Variants in COL10A1 observed in about 807,000 individuals in gnomAD.
COL10A1 encodes the protein collagen type X alpha 1 chain.
In COL10A1, 10 loss-of-function variants were observed where a neutral mutation model predicts 18.2. The observed-to-expected ratio is 0.55, with a 90% CI of 0.34 to 0.93. The LOEUF (loss-of-function observed/expected upper bound fraction) is 0.93, where lower values mean the gene tolerates loss of function less well. Ranked by LOEUF, COL10A1 falls within the 40% of genes least tolerant of loss-of-function variation. COL10A1 has a pLI of 0.02. For synonymous variants in COL10A1, 330 were observed against 316.6 expected (o/e 1.04, Z -0.45); for missense variants, 897 against 853.5 (o/e 1.05, Z -0.64).
intron 1 of COL10A1, among the ~76,000 whole-genome samples, chr6:116,139,297 C>G (rs1779704651): frequency 6.6e-6 from 1 of 151,950 alleles, no homozygotes; most frequent in African/African-American, 2.4e-5. Context: ...AGAATAAATT[C>G]TGTGTTATTT....
At chr6:116,131,765 A>G (rs958630091) in intron 1 of COL10A1, among the ~76,000 whole-genome samples, 25 of 152,216 alleles carry the variant, frequency 1.6e-4, no homozygotes, top group Non-Finnish European at 3.2e-4. Context: ...AGTTTATTTC[A>G]TCACCCAGGT....
the COL10A1 span, among the ~76,000 whole-genome samples, chr6:116,190,529 A>G: frequency 6.6e-6 from 1 of 152,000 alleles, no homozygotes; most frequent in Non-Finnish European, 1.5e-5. Flanking sequence ...CCCACCTCCC[A>G]TCACATTAGT....
chr6:116,213,065 G>C, the COL10A1 span, among the ~76,000 whole-genome samples: 6,938 of 152,126 alleles, frequency 0.046, 179 homozygotes, highest in Non-Finnish European at 0.059. Flanking sequence ...AATTAAAATT[G>C]GGACTTTATT....
At chr6:116,195,524 A>G in the COL10A1 span, among the ~76,000 whole-genome samples, 1 of 152,096 alleles carries the variant, frequency 6.6e-6, no homozygotes, top group African/African-American at 2.4e-5. Flanking sequence ...CAGGGATTCC[A>G]ATGATAATCC....
chr6:116,209,777 G>C, the COL10A1 span, among the ~76,000 whole-genome samples: 1 of 151,912 alleles, frequency 6.6e-6, no homozygotes, highest in Non-Finnish European at 1.5e-5. Flanking sequence ...AACTTCTGCA[G>C]AAATCCTGAG....
At chr6:116,187,273 G>A in the COL10A1 span, among the ~76,000 whole-genome samples, 3 of 152,060 alleles carry the variant, frequency 2.0e-5, no homozygotes, top group African/African-American at 4.8e-5. Flanking sequence ...TAGCAGGGGA[G>A]CGAAGTGGAC....
At chr6:116,155,062 CTT>C (rs1780151467) in intron 1 of COL10A1, among the ~76,000 whole-genome samples, 1 of 152,160 alleles carries the variant, frequency 6.6e-6, no homozygotes, top group Admixed American at 6.6e-5. Flanking sequence ...AGTATACAGA[CTT>C]TAATATTAGG....
chr6:116,157,001 A>AT (rs1477139996), intron 1 of COL10A1, among the ~76,000 whole-genome samples: 1 of 151,930 alleles, frequency 6.6e-6, no homozygotes, highest in Non-Finnish European at 1.5e-5. Flanking sequence ...TTATTTGGAT[A>AT]TTTTTTTCTC....
chr6:116,132,369 C>G (rs568136925), intron 1 of COL10A1, among the ~76,000 whole-genome samples: 5 of 152,270 alleles, frequency 3.3e-5, no homozygotes, highest in East Asian at 1.9e-4. Flanking sequence ...GACCATTTCT[C>G]TAGCCTACTT....
chr6:116,120,232 G>A lies in COL10A1; in HGVS notation c.1884C>T (p.Tyr628=). ...GTPVMYTYDE[Y]TKGYLDQASG... Reference sequence around the variant, plus strand: ...AAGCCTGATCCAGGTAGCCTTTGGTGTATTCATCATAGGTGTACATTACAG... The same window carrying A: ...AAGCCTGATCCAGGTAGCCTTTGGTATATTCATCATAGGTGTACATTACAG... The change falls in exon 3 of 3, where the codon TAC becomes TAT. Residue 628 remains tyrosine, a synonymous_variant. Transcript: ENST00000651968. 6.2e-7 allele frequency: 1 copy of A among 1,614,162 alleles called. No individual in the cohort carries two copies. The highest frequency in any genetic ancestry group is 8.5e-7 in the Non-Finnish European group (1 of 1,180,026).
the COL10A1 span, among the ~76,000 whole-genome samples, chr6:116,178,054 T>A: frequency 3.2e-4 from 19 of 59,532 alleles, no homozygotes; most frequent in East Asian, 6.2e-3. Flanking sequence ...AAGAGGAAAG[T>A]GTGTGTGTGT....
chr6:116,166,571 G>C, the COL10A1 span, among the ~76,000 whole-genome samples: 4 of 152,154 alleles, frequency 2.6e-5, no homozygotes, highest in Non-Finnish European at 5.9e-5. Context: ...TCCTGGCATC[G>C]ATCTCCATTT....
At chr6:116,184,574 G>A in the COL10A1 span, among the ~76,000 whole-genome samples, 378 of 152,020 alleles carry the variant, frequency 2.5e-3, 14 homozygotes, top group East Asian at 0.063. Flanking sequence ...CTTGTTATTG[G>A]TCTGTTCAGA....
At chr6:116,131,802 T>C (rs1224478457) in intron 1 of COL10A1, among the ~76,000 whole-genome samples, 1 of 152,172 alleles carries the variant, frequency 6.6e-6, no homozygotes, top group African/African-American at 2.4e-5. Flanking sequence ...ATTAGTTATT[T>C]TTCCTAATCC....
the COL10A1 span, among the ~76,000 whole-genome samples, chr6:116,190,912 T>A: frequency 6.6e-6 from 1 of 151,928 alleles, no homozygotes; most frequent in Non-Finnish European, 1.5e-5. Flanking sequence ...TTACCCCTGT[T>A]TATAAGGATG....
chr6:116,142,305 G>T (rs1460585863), intron 1 of COL10A1, among the ~76,000 whole-genome samples: 1 of 150,148 alleles, frequency 6.7e-6, no homozygotes, highest in East Asian at 1.9e-4. Flanking sequence ...AATTTATTTG[G>T]CATATACTTA....
chr6:116,171,756 GGAGCTGTGTT>G, the COL10A1 span, among the ~76,000 whole-genome samples: 1 of 152,174 alleles, frequency 6.6e-6, no homozygotes, highest in Non-Finnish European at 1.5e-5. Flanking sequence ...TAAGAACAGT[GGAGCTGTGTT>G]GAGCAATTGG....
chr6:116,186,104 A>G, the COL10A1 span, among the ~76,000 whole-genome samples: 1 of 152,072 alleles, frequency 6.6e-6, no homozygotes, highest in Non-Finnish European at 1.5e-5. Flanking sequence ...TCTAAAAAAG[A>G]CTGTGTCTTC....
At chr6:116,150,225 T>C (rs991778995) in intron 1 of COL10A1, among the ~76,000 whole-genome samples, 3 of 152,172 alleles carry the variant, frequency 2.0e-5, no homozygotes, top group African/African-American at 7.2e-5. Context: ...GAGAGCATGC[T>C]GAGGGAGCCC....
Sources: gnomAD v4.1 joint callset for allele counts (sites outside exome capture counted in the v4.1 genomes callset) on GRCh38, gnomAD v4.1.1 for gene constraint, MANE v1.5 for transcripts, NCBI Gene and HGNC (gene_info 2026-07-23, HGNC 2026-07-21) for gene names.